The following TBRG4 variants were observed in gnomAD, a reference collection of about 807,000 sequenced individuals.
The protein encoded by TBRG4 is FAST kinase domain-containing protein 4.
In TBRG4, 43 loss-of-function variants were observed where a neutral mutation model predicts 65.6. The observed-to-expected ratio is 0.66, with a 90% confidence interval of 0.51 to 0.85. TBRG4 has a LOEUF of 0.85. Ranked by LOEUF, TBRG4 falls within the 40% of genes least tolerant of loss-of-function variation. The probability of loss-of-function intolerance (pLI) is 0.00; values close to 1 mark genes in which losing one functional copy is unlikely to be tolerated. For synonymous variants in TBRG4, 366 were observed against 341.4 expected (o/e 1.07, Z -0.79); for missense variants, 709 against 787.9 (o/e 0.90, Z 1.20).
In TBRG4 at chr7:45,105,394, A is replaced by G. The variant is rs556752472; in HGVS notation, c.735+47T>C. 4.3e-5 allele frequency: 67 copies of G among 1,547,280 alleles called. 1 individual carries two copies. The South Asian group carries it at 7.6e-4, about 18-fold the overall frequency. On this transcript the variant is annotated intron_variant, in intron 3 of 10. Transcript: ENST00000258770. Reference sequence around the variant, plus strand: ...ACTGTCACCCAAAGAACAAGCCCAAAGCCCAGGGGAGGCAGGCTGGGTGCC... The same window carrying G: ...ACTGTCACCCAAAGAACAAGCCCAAGGCCCAGGGGAGGCAGGCTGGGTGCC...
In TBRG4 at chr7:45,105,557, G is replaced by A. The variant is rs1784920735; in HGVS notation, c.619C>T (p.Leu207=). 2 of 1,614,154 alleles carry A rather than the reference G, an allele frequency of 1.2e-6. No individual in the cohort carries two copies. Among genetic ancestry groups the A allele is most frequent in the East Asian group, 2.2e-5 (1 of 44,888 alleles). ...EQHSQELLAE[L]LTHLERRWTE... is the part of the protein sequence containing the mutation. Reference sequence around the variant, plus strand: ...CAACGCCTTTCCAGGTGTGTGAGCAGCTCAGCCAGCAGCTCCTGCGAGTGC... The same window carrying A: ...CAACGCCTTTCCAGGTGTGTGAGCAACTCAGCCAGCAGCTCCTGCGAGTGC... Residue 207 remains leucine (L), a synonymous_variant, in exon 3 of 11, where the codon CTG becomes TTG. Transcript: ENST00000258770.
chr7:45,105,833 C>T (rs1784935765), intron 2 of TBRG4, 69 bp from the exon 3 acceptor site: 4 of 1,494,916 alleles, frequency 2.7e-6, no homozygotes, highest in African/African-American at 2.8e-5. Context: ...TGGAGGCTAC[C>T]TCTCTGAACC....
Position 45,101,836 on chromosome 7 carries a change from C to A in TBRG4, c.1556G>T (p.Gly519Val), listed in dbSNP as rs1482782543. The part of the protein sequence containing the change: ...KGSLEVATQY[G>V]WVLDAEVLLD... ...GGGGGAGCCCTCACCCAGCACCCAG[C>A]CATACTGCGTGGCCACCTCGAGGCT... Residue 519 changes from glycine (G) to valine (V), a missense_variant, in exon 8 of 11, where the codon GGC (glycine) becomes GTC (valine). Coordinates refer to ENST00000258770, the MANE Select transcript of TBRG4 (RefSeq NM_004749.4). 5.0e-6 allele frequency: 8 copies of A among 1,606,272 alleles called. No homozygotes were observed. The highest frequency in any genetic ancestry group is 6.8e-6 in the Non-Finnish European group (8 of 1,179,668).
At chr7:45,107,047 T>C (rs1201668456) in intron 2 of TBRG4, 1 of 151,926 alleles carries the variant, frequency 6.6e-6, no homozygotes, top group African/African-American at 2.4e-5. Context: ...GGCACAAAGG[T>C]TTGCAGGAAC....
chr7:45,108,992 T>C lies in TBRG4; in HGVS notation c.246A>G (p.Pro82=). The C allele has an allele frequency of 3.7e-6, 6 of 1,611,338 alleles. No individual in the cohort carries two copies. The highest frequency in any genetic ancestry group is 5.1e-6 in the Non-Finnish European group (6 of 1,178,748). Residue 82 remains proline, a synonymous_variant, in exon 2 of 11, where the codon CCA becomes CCG. Transcript: ENST00000258770. The part of the protein sequence containing the change: ...VDHLIKKATR[P]EELLELLGGS... ...CACCAAGTAGCTCCAGGAGCTCCTC[T>C]GGCCTTGTGGCCTTCTTGATGAGGT...
chr7:45,101,226 G>A (rs1288642850), intron 10 of TBRG4, 32 bp downstream of exon 10: 1 of 1,599,410 alleles, frequency 6.3e-7, no homozygotes, highest in East Asian at 2.2e-5. Context: ...GATTCTCCCT[G>A]TGCAGTGACC....
At chr7:45,100,932 A>G (rs937588470) in intron 10 of TBRG4, among the ~76,000 whole-genome samples, 3 of 152,224 alleles carry the variant, frequency 2.0e-5, no homozygotes, top group Non-Finnish European at 2.9e-5. Context: ...GAGCAGCTGC[A>G]CTCAGAGCCC....
chr7:45,102,991 C>T (rs1369725957), intron 6 of TBRG4: 1 of 391,684 alleles, frequency 2.6e-6, no homozygotes, highest in Admixed American at 3.7e-5. Flanking sequence ...TGTGGCTGTC[C>T]TAAGGTCTTC....
Position 45,108,921 on chromosome 7 carries a change from C to A in TBRG4, c.317G>T (p.Arg106Leu). 3 of 1,607,390 alleles carry A rather than the reference C, an allele frequency of 1.9e-6. No homozygotes were observed. The highest frequency in any genetic ancestry group is 2.5e-6 in the Non-Finnish European group (3 of 1,177,426). Residue 106 changes from arginine (R) to leucine (L), a missense_variant, in exon 2 of 11, where the codon CGG becomes CTG. By Grantham distance (102) the Arg-to-Leu change is moderately radical. Coordinates refer to ENST00000258770, the MANE Select transcript of TBRG4 (RefSeq NM_004749.4). ...DSNQAAMVLI[R>L]LSHLLSEKPE... ...CTTCTCAGACAGCAAGTGAGAGAGCCGGATAAGTACCATTGCTGCTTGATT... is the reference window on the plus strand; with the variant it reads ...CTTCTCAGACAGCAAGTGAGAGAGCAGGATAAGTACCATTGCTGCTTGATT...
At chr7:45,104,039 G>A in intron 5 of TBRG4, 60 bp downstream of exon 5, 1 of 1,496,230 alleles carries the variant, frequency 6.7e-7, no homozygotes, top group Middle Eastern at 2.0e-4. Flanking sequence ...CTAAGGCAAT[G>A]GTTCCCAGCA....
chr7:45,101,400 GCTT>G (rs1784762562), intron 9 of TBRG4, 28 bp from the exon 10 acceptor site: 1 of 1,610,788 alleles, frequency 6.2e-7, no homozygotes, highest in African/African-American at 1.3e-5. Flanking sequence ...TGGCTGACAT[GCTT>G]CCACTCTCCC....
At chr7:45,107,769 A>G (rs570018651) in intron 2 of TBRG4, 63 of 154,380 alleles carry the variant, frequency 4.1e-4, no homozygotes, top group Non-Finnish European at 7.9e-4. Context: ...GTCTTGCATC[A>G]TAAGACTTTC....
At chr7:45,110,325 T>C (rs1354409271) in intron 1 of TBRG4, among the ~76,000 whole-genome samples, 1 of 152,166 alleles carries the variant, frequency 6.6e-6, no homozygotes, top group Non-Finnish European at 1.5e-5. Flanking sequence ...CCAAACTCAA[T>C]GTTGCCATCT....
At chr7:45,107,141 A>AGCT (rs1305515354) in intron 2 of TBRG4, 1 of 152,278 alleles carries the variant, frequency 6.6e-6, no homozygotes, top group East Asian at 1.9e-4. Flanking sequence ...GGGATGACCA[A>AGCT]GCTGCTGCTG....
rs759063842 is a variant in TBRG4, at chr7:45,104,117, C to T, written c.1047G>A (p.Leu349=). 2 of 1,609,652 alleles carry T rather than the reference C, an allele frequency of 1.2e-6. No homozygotes were observed. The highest frequency in any genetic ancestry group is 3.4e-5 in the Admixed American group (2 of 59,336). ...GGCTCACCTGGGCAAAGGCCTCAAA[C>T]AGGGGCAGGCTGAGCCACTTGAGTA... The part of the protein sequence containing the change: ...FALLKWLSLP[L]FEAFAQHVLN... The change falls in exon 5 of 11, where the codon CTG becomes CTA. Residue 349 remains leucine (L), a synonymous_variant. Coordinates refer to ENST00000258770, the MANE Select transcript of TBRG4 (RefSeq NM_004749.4).
Position 45,105,522 on chromosome 7 carries a change from A to C in TBRG4, c.654T>G (p.Ile218Met), listed in dbSNP as rs112916426. 1.2e-6 allele frequency: 2 copies of C among 1,614,144 alleles called. No individual in the cohort carries two copies. Among genetic ancestry groups the C allele is most frequent in the East Asian group, 2.2e-5 (1 of 44,888 alleles). Residue 218 changes from isoleucine (I) to methionine (M), a missense_variant, in exon 3 of 11, where the codon ATT becomes ATG. Physicochemically the swap from Ile to Met is conservative, Grantham distance 10 (BLOSUM62 1). Coordinates refer to ENST00000258770, the MANE Select transcript of TBRG4 (RefSeq NM_004749.4). ...CGGTCACTAATGTGTGGGAATCTTC[A>C]ATTTCTGTCCAACGCCTTTCCAGGT... The part of the protein sequence containing the change: ...LTHLERRWTE[I>M]EDSHTLVTVM...
rs1020827550 is a variant in TBRG4 at position 45,105,506 on chromosome 7, A to G, written c.670T>C (p.Leu224=). 58 of 1,614,130 alleles carry G rather than the reference A, an allele frequency of 3.6e-5. No individual in the cohort carries two copies. Among genetic ancestry groups the G allele is most frequent in the Non-Finnish European group, 4.8e-5 (57 of 1,180,010 alleles). The change falls in exon 3 of 11, where the codon TTA becomes CTA. Residue 224 remains leucine (L), a synonymous_variant. Transcript: ENST00000258770. The part of the protein sequence containing the change: ...RWTEIEDSHT[L]VTVMMKVGHL... Reference sequence around the variant, plus strand: ...CCCACCTTCATCATGACGGTCACTAATGTGTGGGAATCTTCAATTTCTGTC... The same window carrying G: ...CCCACCTTCATCATGACGGTCACTAGTGTGTGGGAATCTTCAATTTCTGTC...
At chr7:45,103,511 GCT>G in intron 5 of TBRG4, 68 bp from the exon 6 acceptor site, 1 of 1,149,400 alleles carries the variant, frequency 8.7e-7, no homozygotes, top group Non-Finnish European at 1.2e-6. Flanking sequence ...CTCCTGCCTG[GCT>G]CTGAGTCTGA....
At chr7:45,106,051 G>A (rs565041450) in intron 2 of TBRG4, 12 of 653,448 alleles carry the variant, frequency 1.8e-5, no homozygotes, top group South Asian at 1.5e-4. Flanking sequence ...AGTCTTCTGG[G>A]CCAGTGCCTA....
Sources: allele counts gnomAD v4.1 joint callset (sites outside exome capture counted in the v4.1 genomes callset), GRCh38; gene constraint gnomAD v4.1.1; transcripts MANE v1.5; gene names NCBI Gene and HGNC (gene_info 2026-07-23, HGNC 2026-07-21).